The following MAPKAP1 variants were observed in gnomAD, a reference collection of about 807,000 sequenced individuals.
MAPKAP1 encodes target of rapamycin complex 2 subunit MAPKAP1.
MAPKAP1 carries 20 observed loss-of-function variants against 65.7 expected under a neutral mutation model. The ratio of observed to expected loss-of-function variants is 0.30; its 90% CI spans 0.21 to 0.44. The LOEUF is 0.44. Ranked by LOEUF, MAPKAP1 falls within the 20% of genes least tolerant of loss-of-function variation. MAPKAP1 has a pLI of 1.00. For missense variants in MAPKAP1, 423 were observed against 648.0 expected (o/e 0.65, Z 3.77); for synonymous variants, 222 against 244.3 (o/e 0.91, Z 0.85).
intron 6 of MAPKAP1, among the ~76,000 whole-genome samples, chr9:125,544,357 A>C (rs1830360186): frequency 2.0e-5 from 3 of 152,252 alleles, no homozygotes; most frequent in Admixed American, 6.5e-5. Context: ...GAATGATTTA[A>C]TCTTAGTCCT....
chr9:125,607,065 T>C (rs1832459040), intron 4 of MAPKAP1, among the ~76,000 whole-genome samples: 1 of 152,170 alleles, frequency 6.6e-6, no homozygotes, highest in Non-Finnish European at 1.5e-5. Context: ...TTACATACTT[T>C]AAAGGGAAGC....
intron 4 of MAPKAP1, among the ~76,000 whole-genome samples, chr9:125,591,064 G>A (rs1433396266): frequency 6.6e-6 from 1 of 152,156 alleles, no homozygotes; most frequent in African/African-American, 2.4e-5. Context: ...GTGAGTGACT[G>A]CGACCTGGCG....
chr9:125,685,306 T>TA (rs1588073320), intron 1 of MAPKAP1, among the ~76,000 whole-genome samples: 1 of 152,206 alleles, frequency 6.6e-6, no homozygotes, highest in East Asian at 1.9e-4. Flanking sequence ...ATGCCTCACT[T>TA]AAGTGACATC....
In MAPKAP1 at chr9:125,447,607, C is replaced by T. The variant is rs1381080824; in HGVS notation, c.1346-3009G>A. On this transcript the variant is annotated intron_variant, in intron 10 of 11. Transcript: ENST00000265960. The surrounding 1 kb of genome is among the most constrained non-coding windows in gnomAD (Gnocchi z 4.5). Reference sequence around the variant, plus strand: ...TCGCTAGCAGCCCTGTTTCGCTGGGCGGCCAGAAGGGCAGTTTTCCTCAGT... The same window carrying T: ...TCGCTAGCAGCCCTGTTTCGCTGGGTGGCCAGAAGGGCAGTTTTCCTCAGT... The T allele has an allele frequency of 2.0e-5, 8 of 408,188 alleles. No individual in the cohort carries two copies. The highest frequency in any genetic ancestry group is 1.4e-4 in the East Asian group (2 of 13,874). 25.3% of individuals were successfully genotyped at this position (408,188 alleles called of 1,614,324 possible).
intron 1 of MAPKAP1, among the ~76,000 whole-genome samples, chr9:125,691,211 A>G (rs1156957915): frequency 6.6e-6 from 1 of 152,174 alleles, no homozygotes; most frequent in African/African-American, 2.4e-5. Flanking sequence ...CAGTGAGCCG[A>G]GATCGCGCCA....
chr9:125,563,292 A>G (rs1007376785), intron 5 of MAPKAP1, among the ~76,000 whole-genome samples: 1 of 152,200 alleles, frequency 6.6e-6, no homozygotes, highest in Non-Finnish European at 1.5e-5. Context: ...AACACAATGG[A>G]AACAGGGGCA....
intron 4 of MAPKAP1, among the ~76,000 whole-genome samples, chr9:125,613,822 G>T (rs1315245853): frequency 6.6e-6 from 1 of 150,758 alleles, no homozygotes; most frequent in African/African-American, 2.4e-5. Flanking sequence ...TTTTAAGACG[G>T]AGTCTCGCTC....
chr9:125,574,290 G>A (rs1233785283), intron 5 of MAPKAP1, among the ~76,000 whole-genome samples: 1 of 152,182 alleles, frequency 6.6e-6, no homozygotes, highest in East Asian at 1.9e-4. Context: ...AATGCCAAGA[G>A]GAGAAGAATG....
chr9:125,606,068 G>A (rs961561686), intron 4 of MAPKAP1, among the ~76,000 whole-genome samples: 1 of 152,000 alleles, frequency 6.6e-6, no homozygotes, highest in Non-Finnish European at 1.5e-5. Flanking sequence ...TAATTCCTCT[G>A]AAAGCAAATT....
chr9:125,543,028 C>T, intron 7 of MAPKAP1, 31 bp downstream of exon 7: 1 of 1,408,018 alleles, frequency 7.1e-7, no homozygotes. Context: ...TAAGCTTCTA[C>T]TACTGTGAGA....
chr9:125,512,821 G>A (rs1305831713), intron 7 of MAPKAP1: 1 of 152,186 alleles, frequency 6.6e-6, no homozygotes, highest in Non-Finnish European at 1.5e-5. Context: ...CTGACCTTGT[G>A]ATCCACCTGT....
intron 8 of MAPKAP1, among the ~76,000 whole-genome samples, chr9:125,499,126 C>T (rs1828896337): frequency 6.6e-6 from 1 of 152,198 alleles, no homozygotes; most frequent in Admixed American, 6.5e-5. Flanking sequence ...TAGTAAGTGG[C>T]AAGGCCAGGA....
At chr9:125,687,986 C>A (rs967916807) in intron 1 of MAPKAP1, among the ~76,000 whole-genome samples, 3 of 152,162 alleles carry the variant, frequency 2.0e-5, no homozygotes, top group African/African-American at 7.2e-5. Context: ...AATCCTCAAA[C>A]TACTTTTATG....
chr9:125,605,268 AT>A (rs1290765770), intron 4 of MAPKAP1, among the ~76,000 whole-genome samples: 2 of 152,228 alleles, frequency 1.3e-5, no homozygotes, highest in Non-Finnish European at 2.9e-5. Context: ...GCCTTTATAA[AT>A]ATTAAAACTT....
intron 3 of MAPKAP1, among the ~76,000 whole-genome samples, chr9:125,668,700 C>T (rs537102010): frequency 6.6e-6 from 1 of 152,270 alleles, no homozygotes; most frequent in East Asian, 1.9e-4. Flanking sequence ...ATAATATGGC[C>T]AGCCTTTATA....
chr9:125,505,354 G>C (rs952265571), intron 8 of MAPKAP1, among the ~76,000 whole-genome samples: 4 of 152,158 alleles, frequency 2.6e-5, no homozygotes, highest in African/African-American at 9.7e-5. Flanking sequence ...GAACCTGGGA[G>C]GTGGAGGTTG....
chr9:125,530,634 T>TA (rs1423365254), intron 7 of MAPKAP1, among the ~76,000 whole-genome samples: 7 of 152,106 alleles, frequency 4.6e-5, no homozygotes, highest in South Asian at 2.1e-4. Context: ...CACTTATTAG[T>TA]AAAAAAAATC....
At chr9:125,676,592 G>C (rs189727473) in intron 1 of MAPKAP1, among the ~76,000 whole-genome samples, 1 of 152,306 alleles carries the variant, frequency 6.6e-6, no homozygotes, top group East Asian at 1.9e-4. Context: ...AAGTCTAACA[G>C]CAGTTGCTAG....
At chr9:125,446,202 G>C (rs1037902488) in intron 10 of MAPKAP1, among the ~76,000 whole-genome samples, 1 of 152,110 alleles carries the variant, frequency 6.6e-6, no homozygotes, top group African/African-American at 2.4e-5. Context: ...GATATATGTT[G>C]TACATTTGTG....
Sources: allele counts gnomAD v4.1 joint callset (sites outside exome capture counted in the v4.1 genomes callset), GRCh38; gene constraint gnomAD v4.1.1; non-coding constraint Gnocchi (gnomAD v3.1); transcripts MANE v1.5; gene names NCBI Gene and HGNC (gene_info 2026-07-23, HGNC 2026-07-21).